Variants in WNT7B observed in about 807,000 individuals in gnomAD.
WNT7B encodes the protein protein Wnt-7b.
In WNT7B, 19 loss-of-function variants were observed where a neutral mutation model predicts 38.2. That is an observed-to-expected ratio of 0.50 (90% CI 0.35 to 0.73). The LOEUF is 0.73. Ranked by LOEUF, WNT7B falls within the 30% of genes least tolerant of loss-of-function variation. The pLI is 0.01. For missense variants in WNT7B, 423 were observed against 507.9 expected, an observed-to-expected ratio of 0.83 and a Z score of 1.61; for synonymous variants, 243 against 209.3, an observed-to-expected ratio of 1.16 and a Z score of -1.39.
intron 2 of WNT7B, among the ~76,000 whole-genome samples, chr22:45,936,824 G>A (rs1931525503): frequency 6.6e-6 from 1 of 152,242 alleles, no homozygotes; most frequent in Non-Finnish European, 1.5e-5. Context: ...AAGAGCAGAT[G>A]TGTGTCCTGA....
At chr22:45,926,346 G>C in intron 3 of WNT7B, 5 of 985,394 alleles carry the variant, frequency 5.1e-6, no homozygotes, top group Non-Finnish European at 6.0e-6. Flanking sequence ...CGCAGGGGCC[G>C]CTCCTCCAGG....
chr22:45,926,739 C>T (rs898628557), intron 3 of WNT7B: 4 of 985,274 alleles, frequency 4.1e-6, no homozygotes, highest in African/African-American at 1.7e-5. Flanking sequence ...CTCAGGGACA[C>T]AGCACACGTC....
chr22:45,962,281 T>C (rs1323518753), intron 1 of WNT7B, among the ~76,000 whole-genome samples: 3 of 152,118 alleles, frequency 2.0e-5, no homozygotes, highest in Non-Finnish European at 4.4e-5. Context: ...GGGCAGACAC[T>C]CCCAGCCACC....
chr22:45,971,146 G>A (rs556516994), intron 1 of WNT7B, among the ~76,000 whole-genome samples: 1 of 150,722 alleles, frequency 6.6e-6, no homozygotes, highest in African/African-American at 2.4e-5. Context: ...GACTGCAACC[G>A]CATGGGGGGA....
intron 1 of WNT7B, among the ~76,000 whole-genome samples, chr22:45,950,780 C>T (rs561573515): frequency 9.8e-5 from 15 of 152,354 alleles, no homozygotes; most frequent in African/African-American, 3.6e-4. Context: ...AAGGCTCAGA[C>T]GACCACAGGG....
intron 3 of WNT7B, among the ~76,000 whole-genome samples, chr22:45,928,592 C>T (rs1380978816): frequency 6.9e-6 from 1 of 144,790 alleles, no homozygotes; most frequent in African/African-American, 2.5e-5. Flanking sequence ...TCCTGCCCAC[C>T]CGTGGGGACC....
At chr22:45,949,533 G>C (rs1931879112) in intron 2 of WNT7B, among the ~76,000 whole-genome samples, 1 of 151,906 alleles carries the variant, frequency 6.6e-6, no homozygotes, top group African/African-American at 2.4e-5. Flanking sequence ...TGGAGGTTCT[G>C]CCAGAAGAGG....
chr22:45,921,732 G>A lies in WNT7B; in HGVS notation c.*1124C>T, dbSNP rs566008279. 8 of 152,308 alleles carry A rather than the reference G, an allele frequency of 5.3e-5. No individual in the cohort carries two copies. The highest frequency in any genetic ancestry group is 1.7e-4 in the African/African-American group (7 of 41,532). 9.4% of individuals were successfully genotyped at this position (152,308 alleles called of 1,614,324 possible). A position where few individuals can be genotyped will look rare whatever the true frequency, so the allele number is the denominator to read the frequency against. Reference sequence around the variant, plus strand: ...GAACGAAGGACTCCTGGAACCTGACGTGGGTGATATTTTGATTTGCTTGAT... The same window carrying A: ...GAACGAAGGACTCCTGGAACCTGACATGGGTGATATTTTGATTTGCTTGAT... On this transcript the variant is annotated 3_prime_UTR_variant, in exon 4 of 4. Coordinates refer to ENST00000339464, the MANE Select transcript of WNT7B (RefSeq NM_058238.3).
intron 2 of WNT7B, among the ~76,000 whole-genome samples, chr22:45,943,958 C>T (rs985138748): frequency 6.6e-6 from 1 of 152,122 alleles, no homozygotes; most frequent in Admixed American, 6.5e-5. Flanking sequence ...CCTTTGCCCA[C>T]GGAACCCACG....
At chr22:45,925,119 G>A in intron 3 of WNT7B, 3 of 972,666 alleles carry the variant, frequency 3.1e-6, no homozygotes, top group Non-Finnish European at 3.7e-6. Flanking sequence ...ATGAGTGCTG[G>A]GTGGGCCCTA....
intron 3 of WNT7B, among the ~76,000 whole-genome samples, chr22:45,930,801 C>G (rs992705265): frequency 6.6e-6 from 1 of 152,204 alleles, no homozygotes; most frequent in South Asian, 2.1e-4. Context: ...GCCACGGGGT[C>G]CCCAGCCAAG....
Position 45,975,799 on chromosome 22 carries a change from G to A in WNT7B, c.71+885C>T. Reference sequence around the variant, plus strand: ...GTGCGAGGAGCGCGGGGCCAGCAGCGGGCGGTGGGCGCCCCAGGCGAGGTG... The same window carrying A: ...GTGCGAGGAGCGCGGGGCCAGCAGCAGGCGGTGGGCGCCCCAGGCGAGGTG... On this transcript the variant is annotated intron_variant, in intron 1 of 3. Coordinates refer to ENST00000339464, the MANE Select transcript of WNT7B (RefSeq NM_058238.3). This position sits in a 1 kb window ranked among gnomAD's most constrained non-coding sequence, Gnocchi z 6.6. The A allele has an allele frequency of 6.2e-6, 2 of 321,526 alleles. No homozygotes were observed. The highest frequency in any genetic ancestry group is 4.9e-5 in the East Asian group (1 of 20,244). The allele number at this position is 321,526 out of a possible 1,614,324, so 19.9% of individuals were successfully genotyped here. A position where few individuals can be genotyped will look rare whatever the true frequency, so the allele number is the denominator to read the frequency against.
intron 3 of WNT7B, among the ~76,000 whole-genome samples, chr22:45,928,307 C>G (rs1192383616): frequency 6.6e-6 from 1 of 152,172 alleles, no homozygotes; most frequent in African/African-American, 2.4e-5. Context: ...AGTTCCAAAG[C>G]CCCACCCTAC....
At chr22:45,960,063 C>T (rs1055072543) in intron 1 of WNT7B, among the ~76,000 whole-genome samples, 1 of 152,316 alleles carries the variant, frequency 6.6e-6, no homozygotes. Flanking sequence ...GGGCACCCAC[C>T]ATCCTGCCCC....
At position 45,948,876 on chromosome 22, in the gene WNT7B, G is replaced by C. The variant is rs570163715; in HGVS notation, c.298+1044C>G. ...TTTTTTTCCCCTGAGACAGAGTCTTGCTCTTTTACGCAGACTGGAGTACAA... is the reference window on the plus strand; with the variant it reads ...TTTTTTTCCCCTGAGACAGAGTCTTCCTCTTTTACGCAGACTGGAGTACAA... On this transcript the variant is annotated intron_variant, in intron 2 of 3. Coordinates refer to ENST00000339464, the MANE Select transcript of WNT7B (RefSeq NM_058238.3). Among the ~76,000 whole-genome samples, 19 of 117,690 alleles carry C rather than the reference G, an allele frequency of 1.6e-4. No individual in the cohort carries two copies. The South Asian group carries it at 5.3e-3, about 33-fold the overall frequency. 77.2% of individuals were successfully genotyped at this position (117,690 alleles called of 152,430 possible).
chr22:45,972,069 G>A (rs1013044044), intron 1 of WNT7B: 3 of 521,536 alleles, frequency 5.8e-6, no homozygotes, highest in Non-Finnish European at 1.0e-5. Context: ...GGGCCTCGCT[G>A]CCGCGTTCCC....
chr22:45,962,976 G>T (rs1456955595), intron 1 of WNT7B, among the ~76,000 whole-genome samples: 2 of 152,206 alleles, frequency 1.3e-5, no homozygotes. Flanking sequence ...CTTCCTGGCT[G>T]CCCTGGACTT....
intron 2 of WNT7B, among the ~76,000 whole-genome samples, chr22:45,941,743 C>T (rs896184544): frequency 8.5e-5 from 13 of 152,176 alleles, no homozygotes; most frequent in Non-Finnish European, 1.5e-4. Context: ...CCCCACCTCC[C>T]GGGGCCAACT....
At chr22:45,963,388 C>T (rs138226819) in intron 1 of WNT7B, among the ~76,000 whole-genome samples, 35 of 152,322 alleles carry the variant, frequency 2.3e-4, no homozygotes, top group Admixed American at 2.2e-3. Context: ...TCCCCAGGGG[C>T]AGCCTCCTCT....
Sources: allele counts gnomAD v4.1 joint callset (sites outside exome capture counted in the v4.1 genomes callset), GRCh38; gene constraint gnomAD v4.1.1; non-coding constraint Gnocchi (gnomAD v3.1); transcripts MANE v1.5; gene names NCBI Gene and HGNC (gene_info 2026-07-23, HGNC 2026-07-21).